The following PSD3 variants were observed in gnomAD, a reference collection of about 807,000 sequenced individuals.
PSD3 encodes the protein pleckstrin and Sec7 domain containing 3, also known as PH and SEC7 domain-containing protein 3.
In PSD3, 49 loss-of-function variants were observed where a neutral mutation model predicts 105.5. The observed-to-expected ratio is 0.46, with a 90% CI of 0.37 to 0.59. The LOEUF (loss-of-function observed/expected upper bound fraction) is 0.59. PSD3 is among the 20% of genes least tolerant of loss of function. The pLI, the probability that PSD3 is intolerant of heterozygous loss-of-function variation, is 0.00. For synonymous variants in PSD3, 557 were observed against 457.8 expected, an observed-to-expected ratio of 1.22 and a Z score of -2.77; for missense variants, 1,561 against 1,263.8, an observed-to-expected ratio of 1.24 and a Z score of -3.57.
intron 11 of PSD3, among the ~76,000 whole-genome samples, chr8:18,626,148 A>T (rs1010455137): frequency 6.6e-6 from 1 of 152,064 alleles, no homozygotes; most frequent in African/African-American, 2.4e-5. Flanking sequence ...CTGGAGGCAG[A>T]ATTTCTGAAC....
intron 15 of PSD3, among the ~76,000 whole-genome samples, chr8:18,547,487 T>A (rs1481644406): frequency 6.6e-6 from 1 of 152,168 alleles, no homozygotes; most frequent in African/African-American, 2.4e-5. Context: ...CAAGCTAATC[T>A]CAGCAGGGAA....
intron 1 of PSD3, among the ~76,000 whole-genome samples, chr8:19,006,384 C>T (rs1826685307): frequency 6.6e-6 from 1 of 151,744 alleles, no homozygotes; most frequent in Non-Finnish European, 1.5e-5. Context: ...AGTACCTAGC[C>T]CATAATAAAT....
chr8:18,640,327 CA>C (rs998275421), intron 10 of PSD3, among the ~76,000 whole-genome samples: 2 of 152,138 alleles, frequency 1.3e-5, no homozygotes, highest in African/African-American at 2.4e-5. Context: ...TCCACAACAA[CA>C]AAACTGCATA....
intron 11 of PSD3, among the ~76,000 whole-genome samples, chr8:18,612,798 T>C (rs13269167): frequency 0.22 from 33,570 of 152,172 alleles, 3,968 homozygotes; most frequent in Middle Eastern, 0.38. Context: ...TGTATTGACA[T>C]TGGAGATATC....
chr8:18,889,445 C>T (rs1259223765), intron 2 of PSD3, among the ~76,000 whole-genome samples: 1 of 152,116 alleles, frequency 6.6e-6, no homozygotes, highest in East Asian at 1.9e-4. Context: ...AATATTCCCC[C>T]ATCCTAAATC....
In PSD3 at chr8:18,591,688, GAGC is replaced by G. The variant is rs923884988; in HGVS notation, c.2481+8673_2481+8675del. Among the ~76,000 whole-genome samples the G allele has an allele frequency of 1.7e-4, 26 of 152,254 alleles. 1 individual carries two copies. Among genetic ancestry groups the G allele is most frequent in the Non-Finnish European group, 2.9e-5 (2 of 68,022 alleles). ...TCTCCCTTGGGAGGGAGAGAGAGAG[GAGC>G]AGAGTATGCATCCAGCATTCTGGCT... On this transcript the variant is annotated intron_variant, in intron 12 of 15. Coordinates refer to ENST00000327040, the MANE Select transcript of PSD3 (RefSeq NM_015310.4).
At chr8:19,014,950 C>G (rs926244891), upstream of PSD3, among the ~76,000 whole-genome samples, 2 of 152,158 alleles carry the variant, frequency 1.3e-5, no homozygotes, top group Non-Finnish European at 2.9e-5. This position sits in a 1 kb window ranked among gnomAD's most constrained non-coding sequence, Gnocchi z 4.9. Flanking sequence ...GAAAAACGTC[C>G]GCAGCTCATG....
intron 1 of PSD3, among the ~76,000 whole-genome samples, chr8:18,958,184 T>C (rs1161927919): frequency 2.0e-5 from 3 of 152,272 alleles, no homozygotes; most frequent in East Asian, 3.9e-4. Flanking sequence ...AAACCTTGTG[T>C]GCTACACTGA....
intron 2 of PSD3, among the ~76,000 whole-genome samples, chr8:18,883,183 G>C (rs1258857908): frequency 1.3e-5 from 2 of 152,104 alleles, no homozygotes; most frequent in Non-Finnish European, 2.9e-5. Flanking sequence ...CACACCTCCA[G>C]AAAACTACAA....
rs1311977143 is a variant in PSD3 at position 18,530,631 on chromosome 8, CA to C, written c.*5111del. ...CATTTTGTAATAAGCCCAAAATTGTCAGTTTGACTTTAAGTGCTCTTAATAC... is the reference window on the plus strand; with the variant it reads ...CATTTTGTAATAAGCCCAAAATTGTCGTTTGACTTTAAGTGCTCTTAATAC... On this transcript the variant is annotated 3_prime_UTR_variant, in exon 16 of 16. Coordinates refer to ENST00000327040, the MANE Select transcript of PSD3 (RefSeq NM_015310.4). The C allele has an allele frequency of 6.6e-6, 1 of 151,296 alleles. No individual in the cohort carries two copies. Among genetic ancestry groups the C allele is most frequent in the East Asian group, 1.9e-4 (1 of 5,176 alleles). 9.4% of individuals were successfully genotyped at this position (151,296 alleles called of 1,614,324 possible).
rs201675580 is a variant in PSD3, at chr8:18,872,067, A to G, written c.797T>C (p.Val266Ala). ...AGACCTCTGCTCTTTCAAGAAACCAACACTGCCTGCAGAGTGGCAGGTCAC... is the reference window on the plus strand; with the variant it reads ...AGACCTCTGCTCTTTCAAGAAACCAGCACTGCCTGCAGAGTGGCAGGTCAC... ...SAVTCHSAGS[V>A]GFLKEQRSAL... Residue 266 changes from valine (V) to alanine (A), a missense_variant, in exon 3 of 16, where the codon GTT (valine) becomes GCT (alanine). Physicochemically the swap from Val to Ala is moderately conservative, Grantham distance 64 (BLOSUM62 0). Coordinates refer to ENST00000327040, the MANE Select transcript of PSD3 (RefSeq NM_015310.4). 794 of 1,614,072 alleles carry G rather than the reference A, an allele frequency of 4.9e-4. No homozygotes were observed. Among genetic ancestry groups the G allele is most frequent in the African/African-American group, 2.6e-3 (195 of 74,992 alleles).
intron 9 of PSD3, among the ~76,000 whole-genome samples, chr8:18,682,018 A>G (rs1262029695): frequency 6.6e-6 from 1 of 150,534 alleles, no homozygotes; most frequent in African/African-American, 2.5e-5. Flanking sequence ...AAAAAAAAAA[A>G]AAGTGCTTGG....
At chr8:18,671,672 G>T (rs541360007) in intron 9 of PSD3, among the ~76,000 whole-genome samples, 7 of 149,624 alleles carry the variant, frequency 4.7e-5, no homozygotes, top group Admixed American at 4.7e-4. Flanking sequence ...TCGCTTTGTC[G>T]CCCAGGCTGG....
intron 15 of PSD3, among the ~76,000 whole-genome samples, chr8:18,545,550 G>T (rs1481911756): frequency 6.6e-6 from 1 of 152,158 alleles, no homozygotes; most frequent in African/African-American, 2.4e-5. Flanking sequence ...AAGTAATCTG[G>T]GCTAAAGAGG....
At chr8:18,789,250 T>C (rs1809473846) in intron 8 of PSD3, among the ~76,000 whole-genome samples, 2 of 152,184 alleles carry the variant, frequency 1.3e-5, no homozygotes, top group African/African-American at 4.8e-5. Context: ...TTTTTCATTC[T>C]CTCAAATATA....
intron 4 of PSD3, among the ~76,000 whole-genome samples, chr8:18,833,235 G>C (rs1223137732): frequency 6.6e-6 from 1 of 152,168 alleles, no homozygotes; most frequent in African/African-American, 2.4e-5. Context: ...TAAAAAGCAA[G>C]GGACATTCAC....
intron 12 of PSD3, among the ~76,000 whole-genome samples, chr8:18,591,359 T>C (rs928411987): frequency 6.6e-5 from 10 of 152,118 alleles, no homozygotes; most frequent in African/African-American, 1.9e-4. Flanking sequence ...GGAACTGCAA[T>C]AGTGTGGATA....
rs564358725 is a variant in PSD3, at chr8:19,032,019, T to C, written c.324+52187A>G. On this transcript the variant is annotated intron_variant, in intron 1 of 1. Transcript: ENST00000521475. ...ATAGCCTGCTTAGGGAAATCCTTTC[T>C]GCACACTGAACATGACTTGGGAATG... Among the ~76,000 whole-genome samples the C allele has an allele frequency of 3.3e-5, 5 of 152,294 alleles. No individual in the cohort carries two copies. In the South Asian group the frequency reaches 1.0e-3, roughly 32 times the overall value.
chr8:18,996,793 C>G (rs528408797), intron 1 of PSD3, among the ~76,000 whole-genome samples: 1 of 152,026 alleles, frequency 6.6e-6, no homozygotes, highest in African/African-American at 2.4e-5. Flanking sequence ...TCTGCGCTCT[C>G]TTACATACCC....
Sources: allele counts gnomAD v4.1 joint callset (sites outside exome capture counted in the v4.1 genomes callset), GRCh38; gene constraint gnomAD v4.1.1; non-coding constraint Gnocchi (gnomAD v3.1); transcripts MANE v1.5; gene names NCBI Gene and HGNC (gene_info 2026-07-23, HGNC 2026-07-21).